Variants in PAN3 observed in about 807,000 individuals in gnomAD.
The protein encoded by PAN3 is PAN2-PAN3 deadenylation complex subunit PAN3.
A neutral mutation model predicts 96.2 loss-of-function variants in PAN3; 19 were observed. The ratio of observed to expected loss-of-function variants is 0.20; its 90% CI spans 0.14 to 0.29. PAN3 has a LOEUF of 0.29. PAN3 is among the 10% of genes least tolerant of loss of function. The probability of loss-of-function intolerance (pLI) is 1.00; values close to 1 mark genes in which losing one functional copy is unlikely to be tolerated. For missense variants in PAN3, 882 were observed against 1,108.1 expected (o/e 0.80, Z 2.90); for synonymous variants, 433 against 406.6 (o/e 1.06, Z -0.78).
At chr13:28,207,299 TGTTA>T (rs1187507944) in intron 5 of PAN3, among the ~76,000 whole-genome samples, 10 of 152,214 alleles carry the variant, frequency 6.6e-5, no homozygotes, top group Admixed American at 6.5e-4. Context: ...ATTTTTACTC[TGTTA>T]GTTATAATGT....
At chr13:28,194,466 A>ATATATATTTTT (rs1429166016) in intron 4 of PAN3, among the ~76,000 whole-genome samples, 4 of 122,114 alleles carry the variant, frequency 3.3e-5, no homozygotes, top group African/African-American at 1.4e-4. Context: ...ATATATATAT[A>ATATATATTTTT]TTTTTTTTTT....
At chr13:28,202,213 T>C (rs1362943246) in intron 5 of PAN3, among the ~76,000 whole-genome samples, 1 of 152,206 alleles carries the variant, frequency 6.6e-6, no homozygotes, top group Non-Finnish European at 1.5e-5. Context: ...AATTGGGCCT[T>C]AGGAAAGCTT....
chr13:28,195,395 C>A (rs1025751890), intron 4 of PAN3, among the ~76,000 whole-genome samples: 4 of 152,110 alleles, frequency 2.6e-5, no homozygotes, highest in African/African-American at 9.7e-5. Flanking sequence ...CAGAATGAGA[C>A]ACTGTCTCAA....
rs1869479380 is a variant in PAN3, at chr13:28,139,991, A to G, written c.430+904A>G. ...TGGAGAGAGTCTCGCCCTGTCGCTC[A>G]GGCTGGAGTGCAGTTGCGCGATCTC... On this transcript the variant is annotated intron_variant, in intron 1 of 18. Coordinates refer to ENST00000380958, the MANE Select transcript of PAN3 (RefSeq NM_175854.8). 1.3e-5 allele frequency among the ~76,000 whole-genome samples: 2 copies of G among 152,054 alleles called. 1 individual carries two copies. Among genetic ancestry groups the G allele is most frequent in the South Asian group, 4.1e-4 (2 of 4,822 alleles).
At chr13:28,181,198 A>G (rs1407498375) in intron 4 of PAN3, among the ~76,000 whole-genome samples, 4 of 152,150 alleles carry the variant, frequency 2.6e-5, no homozygotes, top group Non-Finnish European at 5.9e-5. Flanking sequence ...AGGAACTTCA[A>G]GGGAAATGTG....
chr13:28,156,550 A>G (rs553144936), intron 1 of PAN3, among the ~76,000 whole-genome samples: 2 of 152,324 alleles, frequency 1.3e-5, no homozygotes, highest in Admixed American at 6.5e-5. Context: ...ATTCCTCCTT[A>G]TCTCATTCAA....
intron 6 of PAN3, among the ~76,000 whole-genome samples, chr13:28,247,723 A>G (rs774519363): frequency 2.6e-5 from 4 of 152,148 alleles, no homozygotes; most frequent in Non-Finnish European, 5.9e-5. Flanking sequence ...GTTATGGAAA[A>G]TTAGTTGCCT....
rs1040348949 is a variant in PAN3 at position 28,255,440 on chromosome 13, T to C, written c.1001-852T>C. 3.9e-5 allele frequency among the ~76,000 whole-genome samples: 6 copies of C among 152,182 alleles called. No homozygotes were observed. In the South Asian group the frequency reaches 1.2e-3, roughly 31 times the overall value. ...TTTATGTCTTTTACATGTGACCTGG[T>C]CTTTTTTTCTCAGCTAGCTTGGAAT... On this transcript the variant is annotated intron_variant, in intron 6 of 18. Coordinates refer to ENST00000380958, the MANE Select transcript of PAN3 (RefSeq NM_175854.8).
chr13:28,222,722 TAAAG>T (rs1881534081), intron 6 of PAN3, among the ~76,000 whole-genome samples: 1 of 152,184 alleles, frequency 6.6e-6, no homozygotes, highest in Non-Finnish European at 1.5e-5. Context: ...ATAGAATAAA[TAAAG>T]AGTTTATTTA....
In PAN3 at chr13:28,162,098, A is replaced by G. The variant is rs140961497; in HGVS notation, c.431-12174A>G. ...ATTTGGCACCTAATATCAACTGGGC[A>G]TGCCAGTATACTGAATTAACACAAC... On this transcript the variant is annotated intron_variant, in intron 1 of 18. Coordinates refer to ENST00000380958, the MANE Select transcript of PAN3 (RefSeq NM_175854.8). Among the ~76,000 whole-genome samples the G allele has an allele frequency of 7.8e-4, 119 of 152,374 alleles. No homozygotes were observed. In the East Asian group the frequency reaches 0.02, roughly 26 times the overall value.
chr13:28,199,109 G>A (rs906291549), intron 5 of PAN3, among the ~76,000 whole-genome samples: 1 of 152,140 alleles, frequency 6.6e-6, no homozygotes, highest in African/African-American at 2.4e-5. Flanking sequence ...TATATCAGTA[G>A]TGGAGAGGTT....
At chr13:28,210,892 T>C (rs1407755588) in intron 5 of PAN3, among the ~76,000 whole-genome samples, 1 of 152,060 alleles carries the variant, frequency 6.6e-6, no homozygotes, top group African/African-American at 2.4e-5. Context: ...GGCTGCTCTT[T>C]AGGTCCATGG....
At chr13:28,253,549 A>C (rs977250859) in intron 6 of PAN3, among the ~76,000 whole-genome samples, 1 of 150,066 alleles carries the variant, frequency 6.7e-6, no homozygotes, top group African/African-American at 2.4e-5. Flanking sequence ...GGGGGTGGTG[A>C]TGCTTACTGT....
At chr13:28,146,045 G>A (rs975620079) in intron 1 of PAN3, among the ~76,000 whole-genome samples, 7 of 152,052 alleles carry the variant, frequency 4.6e-5, no homozygotes, top group African/African-American at 1.7e-4. Context: ...GCAGGTGTGA[G>A]TCACCATGCT....
chr13:28,200,895 C>T (rs1424029367), intron 5 of PAN3, among the ~76,000 whole-genome samples: 1 of 152,346 alleles, frequency 6.6e-6, no homozygotes, highest in East Asian at 1.9e-4. Context: ...CCTTAAATGT[C>T]TGCAAACTGG....
chr13:28,174,173 A>G, intron 1 of PAN3, 99 bp from the exon 2 acceptor site: 2 of 1,273,592 alleles, frequency 1.6e-6, no homozygotes, highest in Non-Finnish European at 2.1e-6. Context: ...TAAGTGTGAC[A>G]GATTTGAGAC....
At chr13:28,239,872 T>C in intron 6 of PAN3, 1 of 317,978 alleles carries the variant, frequency 3.1e-6, no homozygotes, top group East Asian at 8.3e-5. Context: ...AGTGGATAAA[T>C]TTTACTGCTT....
intron 1 of PAN3, among the ~76,000 whole-genome samples, chr13:28,141,634 A>G (rs182123467): frequency 6.8e-4 from 102 of 150,948 alleles, no homozygotes; most frequent in Non-Finnish European, 1.2e-3. Context: ...CGCTCAGCTA[A>G]TATTGTAGTT....
At chr13:28,140,382 T>C (rs1483601501) in intron 1 of PAN3, among the ~76,000 whole-genome samples, 2 of 152,342 alleles carry the variant, frequency 1.3e-5, no homozygotes, top group Non-Finnish European at 2.9e-5. Context: ...AGTCCTACTT[T>C]CTTGGGAATT....
Sources: gnomAD v4.1 joint callset for allele counts (sites outside exome capture counted in the v4.1 genomes callset) on GRCh38, gnomAD v4.1.1 for gene constraint, MANE v1.5 for transcripts, NCBI Gene and HGNC (gene_info 2026-07-23, HGNC 2026-07-21) for gene names.